Variants in KIAA1958 observed in about 807,000 individuals in gnomAD.
KIAA1958 encodes the protein KIAA1958.
A neutral mutation model predicts 47.2 loss-of-function variants in KIAA1958; 14 were observed. The observed-to-expected ratio is 0.30, with a 90% CI of 0.20 to 0.46. The LOEUF (loss-of-function observed/expected upper bound fraction) is 0.46. Ranked by LOEUF, KIAA1958 falls within the 20% of genes least tolerant of loss-of-function variation. The pLI is 1.00. For synonymous variants in KIAA1958, 354 were observed against 353.3 expected (o/e 1.00, Z -0.02); for missense variants, 803 against 909.2 (o/e 0.88, Z 1.50).
chr9:112,505,973 A>G (rs1834228304), intron 1 of KIAA1958, among the ~76,000 whole-genome samples: 1 of 152,248 alleles, frequency 6.6e-6, no homozygotes, highest in Non-Finnish European at 1.5e-5. Context: ...TGTGTCACCA[A>G]ATTCTAGCAT....
Position 112,618,628 on chromosome 9 carries a change from G to T in KIAA1958, c.1172-27022G>T. The T allele has an allele frequency of 1.3e-6, 2 of 1,550,696 alleles. No individual in the cohort carries two copies. Among genetic ancestry groups the T allele is most frequent in the Non-Finnish European group, 1.7e-6 (2 of 1,147,020 alleles). On this transcript the variant is annotated intron_variant, in intron 2 of 3. Coordinates refer to ENST00000337530, the MANE Select transcript of KIAA1958 (RefSeq NM_133465.4). The surrounding 1 kb of genome is among the most constrained non-coding windows in gnomAD (Gnocchi z 7.1). ...ATGCCCCTTTCTACTTATCCATCAA[G>T]CCAGTCGTGAACCTGGCGGCTCTGC...
intron 1 of KIAA1958, among the ~76,000 whole-genome samples, chr9:112,522,117 A>G (rs1183069134): frequency 6.6e-6 from 1 of 152,064 alleles, no homozygotes; most frequent in African/African-American, 2.4e-5. Flanking sequence ...GATTACAGGC[A>G]TGTGCCACCA....
chr9:112,524,008 C>T (rs779606157), intron 1 of KIAA1958, among the ~76,000 whole-genome samples: 5 of 152,160 alleles, frequency 3.3e-5, no homozygotes, highest in Non-Finnish European at 7.3e-5. Context: ...TGTGCATGCA[C>T]CCCTCATCCC....
chr9:112,527,235 A>C (rs1290620153), intron 1 of KIAA1958, among the ~76,000 whole-genome samples: 1 of 152,226 alleles, frequency 6.6e-6, no homozygotes, highest in Non-Finnish European at 1.5e-5. Context: ...AGAAATATAC[A>C]CAGAAAGGAT....
intron 2 of KIAA1958, among the ~76,000 whole-genome samples, chr9:112,594,679 T>C (rs78677789): frequency 1.3e-5 from 2 of 152,224 alleles, no homozygotes; most frequent in Admixed American, 6.5e-5. Flanking sequence ...GAATAATGCT[T>C]TGCTATGAAT....
intron 1 of KIAA1958, among the ~76,000 whole-genome samples, chr9:112,519,086 T>A (rs1834491962): frequency 6.6e-6 from 1 of 152,062 alleles, no homozygotes; most frequent in Non-Finnish European, 1.5e-5. Context: ...GGCACCACCA[T>A]GCCTAGCTAA....
In KIAA1958 at chr9:112,573,882, T is replaced by C. The variant is rs192754772; in HGVS notation, c.-24-175T>C. 6.2e-4 allele frequency among the ~76,000 whole-genome samples: 94 copies of C among 152,300 alleles called. 1 individual carries two copies. Among genetic ancestry groups the C allele is most frequent in the African/African-American group, 2.2e-3 (91 of 41,572 alleles). ...ACCATCAGTCATCAGCTGTTTTTAC[T>C]TTTCCTGGTATTCTCTTCCAGTCCC... On this transcript the variant is annotated intron_variant, in intron 1 of 3. Coordinates refer to ENST00000337530, the MANE Select transcript of KIAA1958 (RefSeq NM_133465.4).
At chr9:112,502,258 T>C (rs1355839106) in intron 1 of KIAA1958, among the ~76,000 whole-genome samples, 1 of 152,264 alleles carries the variant, frequency 6.6e-6, no homozygotes, top group African/African-American at 2.4e-5. Flanking sequence ...ATGTGACTAG[T>C]ACTCAGATAA....
intron 2 of KIAA1958, among the ~76,000 whole-genome samples, chr9:112,576,420 A>G (rs1254901748): frequency 1.3e-5 from 2 of 152,188 alleles, no homozygotes; most frequent in Non-Finnish European, 2.9e-5. Context: ...GTTTTGGTGT[A>G]TTCATAGAGT....
intron 2 of KIAA1958, among the ~76,000 whole-genome samples, chr9:112,587,587 G>C (rs917102731): frequency 1.3e-5 from 2 of 152,190 alleles, no homozygotes; most frequent in African/African-American, 4.8e-5. Flanking sequence ...ATGCACCTTA[G>C]TTGGCTTATT....
At chr9:112,640,738 TG>T (rs1327392212) in intron 2 of KIAA1958, among the ~76,000 whole-genome samples, 3 of 152,224 alleles carry the variant, frequency 2.0e-5, no homozygotes, top group Non-Finnish European at 4.4e-5. Context: ...CTGGTTCATT[TG>T]ATTGTGTTCC....
At chr9:112,491,769 G>T (rs1833974876) in intron 1 of KIAA1958, among the ~76,000 whole-genome samples, 1 of 151,936 alleles carries the variant, frequency 6.6e-6, no homozygotes, top group Admixed American at 6.6e-5. Context: ...TGCTTCTCTG[G>T]ATTGTTTTTA....
rs962578906 is a variant in KIAA1958, at chr9:112,540,682, A to T, written c.-24-33375A>T. On this transcript the variant is annotated intron_variant, in intron 1 of 3. Transcript: ENST00000337530. ...GTCCTTTTGCTTTTGTTTAAGTTAA[A>T]TTTCTAGGCTGTTTGGAATTTCTTT... Among the ~76,000 whole-genome samples the T allele has an allele frequency of 4.0e-5, 6 of 151,384 alleles. 1 individual carries two copies. In the South Asian group the frequency reaches 8.3e-4, roughly 21 times the overall value.
chr9:112,612,663 G>GT (rs2131211459), intron 2 of KIAA1958, among the ~76,000 whole-genome samples: 1 of 152,270 alleles, frequency 6.6e-6, no homozygotes, highest in East Asian at 1.9e-4. Flanking sequence ...ATCTGGGAAG[G>GT]TGTGATTGAA....
intron 1 of KIAA1958, among the ~76,000 whole-genome samples, chr9:112,533,580 CAA>C (rs57032014): frequency 8.0e-6 from 1 of 125,422 alleles, no homozygotes; most frequent in East Asian, 2.3e-4. Flanking sequence ...GACTCCATCC[CAA>C]AAAAAAAAAA....
chr9:112,558,686 C>T (rs995186542), intron 1 of KIAA1958, among the ~76,000 whole-genome samples: 23 of 152,150 alleles, frequency 1.5e-4, no homozygotes, highest in Non-Finnish European at 2.4e-4. Context: ...GACTCACCAT[C>T]TCTCATCTGG....
chr9:112,647,896 G>C (rs577970585), intron 3 of KIAA1958, among the ~76,000 whole-genome samples: 5 of 152,242 alleles, frequency 3.3e-5, no homozygotes, highest in Admixed American at 3.3e-4. Context: ...TCACAGTTTA[G>C]AAAGGCTGAG....
In KIAA1958 at chr9:112,664,853, A is replaced by G. The variant is rs1257228595; in HGVS notation, c.*4784A>G. On this transcript the variant is annotated 3_prime_UTR_variant, in exon 4 of 4. Transcript: ENST00000337530. ...GGAAGTTCCTCCGTCTGATATGTGTATTCTGACATAACAGAATTTCCCAAG... is the reference window on the plus strand; with the variant it reads ...GGAAGTTCCTCCGTCTGATATGTGTGTTCTGACATAACAGAATTTCCCAAG... 1 of 152,190 alleles carries G rather than the reference A, an allele frequency of 6.6e-6. No individual in the cohort carries two copies. The highest frequency in any genetic ancestry group is 1.5e-5 in the Non-Finnish European group (1 of 68,038). 9.4% of individuals were successfully genotyped at this position (152,190 alleles called of 1,614,324 possible).
intron 1 of KIAA1958, among the ~76,000 whole-genome samples, chr9:112,571,894 C>CTT (rs35308071): frequency 9.2e-4 from 131 of 141,632 alleles, no homozygotes; most frequent in African/African-American, 2.5e-3. Flanking sequence ...CAATCTATGT[C>CTT]TTTTTTTTTT....
Sources: allele counts gnomAD v4.1 joint callset (sites outside exome capture counted in the v4.1 genomes callset), GRCh38; gene constraint gnomAD v4.1.1; non-coding constraint Gnocchi (gnomAD v3.1); transcripts MANE v1.5; gene names NCBI Gene and HGNC (gene_info 2026-07-23, HGNC 2026-07-21).